The following AHNAK2 variants were observed in gnomAD, a reference collection of about 807,000 sequenced individuals.
AHNAK2 encodes the protein protein AHNAK2.
In AHNAK2, 18 loss-of-function variants were observed where a neutral mutation model predicts 30.7. The ratio of observed to expected loss-of-function variants is 0.59; its 90% CI spans 0.41 to 0.87. The LOEUF is 0.87. Among genes scored for constraint, AHNAK2 ranks in the 40% least tolerant of loss-of-function variants. The pLI is 0.00. For missense variants in AHNAK2, 8,604 were observed against 7,373.0 expected, an observed-to-expected ratio of 1.17 and a Z score of -6.11; for synonymous variants, 3,590 against 3,073.8, an observed-to-expected ratio of 1.17 and a Z score of -5.56.
At position 104,955,018 on chromosome 14, in the gene AHNAK2, G is replaced by A; in HGVS notation, c.590C>T (p.Pro197Leu). The change falls in exon 6 of 7, where the codon CCA becomes CTA. Residue 197 changes from proline (P) to leucine (L), a missense_variant. Coordinates refer to ENST00000333244, the MANE Select transcript of AHNAK2 (RefSeq NM_138420.4). Reference sequence around the variant, plus strand: ...GCTGGAAGCCCACTCTTCATCCTGTGGGGCAGGGAGCTGCCGTCTGATTTT... The same window carrying A: ...GCTGGAAGCCCACTCTTCATCCTGTAGGGCAGGGAGCTGCCGTCTGATTTT... Reference protein sequence around the residue: ...QFKIRRQLPAPQDEEWASSDA... With the variant: ...QFKIRRQLPALQDEEWASSDA... The A allele has an allele frequency of 1.2e-6, 2 of 1,613,744 alleles. No individual in the cohort carries two copies. The highest frequency in any genetic ancestry group is 1.7e-6 in the Non-Finnish European group (2 of 1,179,892).
intron 1 of AHNAK2, chr14:104,970,349 C>T (rs1312110800): frequency 2.1e-5 from 19 of 907,316 alleles, no homozygotes; most frequent in Non-Finnish European, 2.5e-5. Context: ...GATGCCTAGC[C>T]CAGCTCTGTT....
intron 1 of AHNAK2, among the ~76,000 whole-genome samples, chr14:104,975,605 G>A (rs747727573): frequency 2.0e-5 from 3 of 152,196 alleles, no homozygotes; most frequent in Non-Finnish European, 4.4e-5. Flanking sequence ...GCATGTCACC[G>A]ACCAAAGCGT....
chr14:104,949,135 C>G lies in AHNAK2; in HGVS notation c.6316G>C (p.Glu2106Gln), dbSNP rs1271797640. The change falls in exon 7 of 7, where the codon GAA (glutamate) becomes CAA (glutamine). Residue 2106 changes from glutamate to glutamine, a missense_variant. By Grantham distance (29) the Glu-to-Gln change is conservative. Coordinates refer to ENST00000333244, the MANE Select transcript of AHNAK2 (RefSeq NM_138420.4). ...PKLDLKDPKV[E>Q]MRVPDVEVSL... is the part of the protein sequence containing the mutation. Reference sequence around the variant, plus strand: ...ACCTCGACATCGGGGACTCTCATTTCCACCTTGGGGTCTTTTAGGTCCAGT... The same window carrying G: ...ACCTCGACATCGGGGACTCTCATTTGCACCTTGGGGTCTTTTAGGTCCAGT... 1.9e-6 allele frequency: 2 copies of G among 1,071,860 alleles called. 1 individual carries two copies. 66.4% of individuals were successfully genotyped at this position (1,071,860 alleles called of 1,614,324 possible).
chr14:104,944,470 C>A lies in AHNAK2; in HGVS notation c.10981G>T (p.Val3661Leu). 6.2e-7 allele frequency: 1 copy of A among 1,612,790 alleles called. No individual in the cohort carries two copies. Among genetic ancestry groups the A allele is most frequent in the Non-Finnish European group, 8.5e-7 (1 of 1,179,490 alleles). Residue 3661 changes from valine to leucine, a missense_variant, in exon 7 of 7, where the codon GTG becomes TTG. Physicochemically the swap from Val to Leu is conservative, Grantham distance 32. Coordinates refer to ENST00000333244, the MANE Select transcript of AHNAK2 (RefSeq NM_138420.4). ...TCCACCTTGGGTGCAGACACATCCACCGAGGCCTCCATGGACTTCCCTGGG... is the reference window on the plus strand; with the variant it reads ...TCCACCTTGGGTGCAGACACATCCAACGAGGCCTCCATGGACTTCCCTGGG... ...SAPGKSMEAS[V>L]DVSAPKVEAD... is the part of the protein sequence containing the mutation.
rs1025354420 is a variant in AHNAK2 at position 104,954,672 on chromosome 14, G to A, written c.779C>T (p.Ser260Phe). The part of the protein sequence containing the change: ...RGRQSQRERL[S>F]WPKFQSIKSK... ...CTTTATGGATTGAAATTTTGGCCAAGAGAGCCTCTCCCTCTGGCTCTGCCT... is the reference window on the plus strand; with the variant it reads ...CTTTATGGATTGAAATTTTGGCCAAAAGAGCCTCTCCCTCTGGCTCTGCCT... Residue 260 changes from serine (S) to phenylalanine (F), a missense_variant, in exon 7 of 7, where the codon TCT becomes TTT. By Grantham distance (155) the Ser-to-Phe change is radical. Coordinates refer to ENST00000333244, the MANE Select transcript of AHNAK2 (RefSeq NM_138420.4). The surrounding 1 kb of genome is among the most constrained non-coding windows in gnomAD (Gnocchi z 4.3). The A allele has an allele frequency of 9.3e-6, 15 of 1,612,824 alleles. No individual in the cohort carries two copies. Among genetic ancestry groups the A allele is most frequent in the Non-Finnish European group, 1.2e-5 (14 of 1,179,670 alleles).
chr14:104,955,139 C>A lies in AHNAK2; in HGVS notation c.469G>T (p.Asp157Tyr). ...AACACGGTTGTACTGAGCAGCTGAT[C>A]CCCTAGACCAAGAAAGAGCAGCCCC... ...AAKLFNLREGDQLLSTTVFFE... is the reference protein window; with the variant it reads ...AAKLFNLREGYQLLSTTVFFE... Residue 157 changes from aspartate (D) to tyrosine (Y), a missense_variant and splice_region_variant, in exon 6 of 7, where the codon GAT (aspartate) becomes TAT (tyrosine). Coordinates refer to ENST00000333244, the MANE Select transcript of AHNAK2 (RefSeq NM_138420.4). 4 of 1,603,160 alleles carry A rather than the reference C, an allele frequency of 2.5e-6. No individual in the cohort carries two copies. The highest frequency in any genetic ancestry group is 3.4e-6 in the Non-Finnish European group (4 of 1,175,392).
chr14:104,965,416 A>G (rs1454520635), intron 1 of AHNAK2, among the ~76,000 whole-genome samples: 4 of 151,094 alleles, frequency 2.6e-5, no homozygotes, highest in Admixed American at 1.3e-4. Context: ...AAAAAAAAAA[A>G]AAAAAGAAAA....
chr14:104,968,150 G>A (rs1899361821), intron 1 of AHNAK2, among the ~76,000 whole-genome samples: 1 of 152,216 alleles, frequency 6.6e-6, no homozygotes, highest in African/African-American at 2.4e-5. Flanking sequence ...GGGCCCCCCA[G>A]CGCCCTGGCC....
rs1046277595 is a variant in AHNAK2, at chr14:104,941,738, G to T, written c.13713C>A (p.Pro4571=). The change falls in exon 7 of 7, where the codon CCC becomes CCA. Residue 4571 remains proline (P), a synonymous_variant. Transcript: ENST00000333244. ...CCTTTGGGCCTTTCAGGTCCAGCTT[G>T]GGGCCCTTGACGTCCACCTGGGGGC... ...LKGPQVDVKG[P]KLDLKGPKAE... is the part of the protein sequence containing the mutation. 2.5e-6 allele frequency: 4 copies of T among 1,613,670 alleles called. No homozygotes were observed. The highest frequency in any genetic ancestry group is 3.4e-6 in the Non-Finnish European group (4 of 1,179,866).
Position 104,953,548 on chromosome 14 carries a change from C to A in AHNAK2, c.1903G>T (p.Asp635Tyr). Residue 635 changes from aspartate (D) to tyrosine (Y), a missense_variant, in exon 7 of 7, where the codon GAC becomes TAC. Physicochemically the swap from Asp to Tyr is radical, Grantham distance 160. Transcript: ENST00000333244. ...EQRRTEEGLK[D>Y]KEDSDSMTNT... ...GTCATTGAGTCACTGTCTTCTTTGTCTTTTAATCCTTCCTCTGTGCGTCTC... is the reference window on the plus strand; with the variant it reads ...GTCATTGAGTCACTGTCTTCTTTGTATTTTAATCCTTCCTCTGTGCGTCTC... 1 of 1,614,018 alleles carries A rather than the reference C, an allele frequency of 6.2e-7. No homozygotes were observed.
rs372882330 is a variant in AHNAK2, at chr14:104,939,493, C to T, written c.15958G>A (p.Val5320Ile). 18 of 1,613,468 alleles carry T rather than the reference C, an allele frequency of 1.1e-5. No homozygotes were observed. The highest frequency in any genetic ancestry group is 1.4e-5 in the Non-Finnish European group (16 of 1,179,846). ...GTCTCATCTATTTCTCCTGGAAGAA[C>T]CTGGGTTTCTGGAAGCCTCATGCCA... ...MPGMRLPETQVLPGEIDETPL... is the reference protein window; with the variant it reads ...MPGMRLPETQILPGEIDETPL... Residue 5320 changes from valine to isoleucine, a missense_variant, in exon 7 of 7, where the codon GTT becomes ATT. Transcript: ENST00000333244.
chr14:104,950,280 A>C lies in AHNAK2; in HGVS notation c.5171T>G (p.Val1724Gly). 3 of 1,584,760 alleles carry C rather than the reference A, an allele frequency of 1.9e-6. No individual in the cohort carries two copies. Among genetic ancestry groups the C allele is most frequent in the Non-Finnish European group, 2.6e-6 (3 of 1,162,538 alleles). The change falls in exon 7 of 7, where the codon GTG becomes GGG. Residue 1724 changes from valine (V) to glycine (G), a missense_variant. Val to Gly is a moderately radical substitution (Grantham distance 109). Transcript: ENST00000333244. Reference sequence around the variant, plus strand: ...GGGAAGGGGGCCCTCCGGGAGTTTCACGTTCACTTGGCCAGCCTGGACCTC... The same window carrying C: ...GGGAAGGGGGCCCTCCGGGAGTTTCCCGTTCACTTGGCCAGCCTGGACCTC... Reference protein sequence around the residue: ...DLEVQAGQVNVKLPEGPLPEG... With the variant: ...DLEVQAGQVNGKLPEGPLPEG...
At chr14:104,959,172 A>G (rs1899063687) in intron 1 of AHNAK2, among the ~76,000 whole-genome samples, 1 of 151,806 alleles carries the variant, frequency 6.6e-6, no homozygotes. Context: ...TCATCTCTAC[A>G]AAAAAAAATT....
chr14:104,953,479 T>G lies in AHNAK2; in HGVS notation c.1972A>C (p.Lys658Gln), dbSNP rs1898867815. The change falls in exon 7 of 7, where the codon AAA becomes CAA. Residue 658 changes from lysine (K) to glutamine (Q), a missense_variant. Coordinates refer to ENST00000333244, the MANE Select transcript of AHNAK2 (RefSeq NM_138420.4). Reference protein sequence around the residue: ...IQLIHDEKRLKKEQILTEKEV... With the variant: ...IQLIHDEKRLQKEQILTEKEV... ...TTTTCTGTCAGAATTTGTTCCTTTT[T>G]TAAGCGTTTTTCATCGTGTATTAGT... 1 of 1,613,932 alleles carries G rather than the reference T, an allele frequency of 6.2e-7. No homozygotes were observed. The highest frequency in any genetic ancestry group is 1.7e-5 in the Admixed American group (1 of 60,000).
rs370739878 is a variant in AHNAK2 at position 104,942,952 on chromosome 14, C to T, written c.12499G>A (p.Val4167Met). ...DVSELKAKAD[V>M]SLPSMQGDLK... Reference sequence around the variant, plus strand: ...TCCCCCTGCATGGAGGGGAGGCTCACGTCGGCTTTCGCCTTCAGCTCAGAC... The same window carrying T: ...TCCCCCTGCATGGAGGGGAGGCTCATGTCGGCTTTCGCCTTCAGCTCAGAC... The change falls in exon 7 of 7, where the codon GTG becomes ATG. Residue 4167 changes from valine (V) to methionine (M), a missense_variant. By Grantham distance (21) the Val-to-Met change is conservative (BLOSUM62 1). Transcript: ENST00000333244. 2.2e-5 allele frequency: 35 copies of T among 1,613,394 alleles called. No individual in the cohort carries two copies. In the African/African-American group the frequency reaches 2.3e-4, roughly 10 times the overall value.
chr14:104,977,410 G>T (rs1030199684), intron 1 of AHNAK2, among the ~76,000 whole-genome samples: 1 of 152,184 alleles, frequency 6.6e-6, no homozygotes, highest in African/African-American at 2.4e-5. Flanking sequence ...AGGTACACAT[G>T]CCGTAGCCTG....
chr14:104,975,657 G>A (rs1046379230), intron 1 of AHNAK2, among the ~76,000 whole-genome samples: 3 of 152,230 alleles, frequency 2.0e-5, no homozygotes, highest in African/African-American at 7.2e-5. Context: ...GGGAGTCACT[G>A]CGTCACTGTC....
At position 104,941,410 on chromosome 14, in the gene AHNAK2, A is replaced by G; in HGVS notation, c.14041T>C (p.Ser4681Pro). ...GCAAGCCCCAAGTTACCATCGCGAG[A>G]TGGATCATGAAGATCACCTTCATGA... is the stretch of plus-strand genomic sequence containing the variant. Reference protein sequence around the residue: ...VVHEGDLHDPSRDGNLGLAVG... With the variant: ...VVHEGDLHDPPRDGNLGLAVG... Residue 4681 changes from serine (S) to proline (P), a missense_variant, in exon 7 of 7, where the codon TCT becomes CCT. Coordinates refer to ENST00000333244, the MANE Select transcript of AHNAK2 (RefSeq NM_138420.4). 1 of 1,613,260 alleles carries G rather than the reference A, an allele frequency of 6.2e-7. No homozygotes were observed. Among genetic ancestry groups the G allele is most frequent in the Non-Finnish European group, 8.5e-7 (1 of 1,179,834 alleles).
chr14:104,938,541 G>C lies in AHNAK2; in HGVS notation c.16910C>G (p.Pro5637Arg), dbSNP rs1897879592. The C allele has an allele frequency of 6.2e-7, 1 of 1,613,320 alleles. No homozygotes were observed. Among genetic ancestry groups the C allele is most frequent in the Non-Finnish European group, 8.5e-7 (1 of 1,179,728 alleles). Residue 5637 changes from proline (P) to arginine (R), a missense_variant, in exon 7 of 7, where the codon CCA becomes CGA. Physicochemically the swap from Pro to Arg is moderately radical, Grantham distance 103 (BLOSUM62 -2). Transcript: ENST00000333244. ...GAGCAGACCAGATTTTTTACTTTCTGGTTTGTCTTTTGGAGCCCTGCCTTC... is the reference window on the plus strand; with the variant it reads ...GAGCAGACCAGATTTTTTACTTTCTCGTTTGTCTTTTGGAGCCCTGCCTTC... ...ADEGRAPKDK[P>R]ESKKSGLLWF...
Sources: allele counts gnomAD v4.1 joint callset (sites outside exome capture counted in the v4.1 genomes callset), GRCh38; gene constraint gnomAD v4.1.1; non-coding constraint Gnocchi (gnomAD v3.1); transcripts MANE v1.5; gene names NCBI Gene and HGNC (gene_info 2026-07-23, HGNC 2026-07-21).